Variants in ABTB3 observed in about 807,000 individuals in gnomAD.
ABTB3 encodes ankyrin repeat- and BTB/POZ domain-containing protein 3.
the ABTB3 span, among the ~76,000 whole-genome samples, chr12:107,383,052 G>A: frequency 0.54 from 81,418 of 151,840 alleles, 22,256 homozygotes; most frequent in East Asian, 0.69. Flanking sequence ...GCCCTTCATT[G>A]CTTCTAGTTC....
At chr12:107,494,014 A>G in the ABTB3 span, among the ~76,000 whole-genome samples, 1 of 152,202 alleles carries the variant, frequency 6.6e-6, no homozygotes, top group Admixed American at 6.5e-5. Flanking sequence ...AGTGCTTGGA[A>G]GCTAATGCAG....
the ABTB3 span, among the ~76,000 whole-genome samples, chr12:107,602,191 A>G: frequency 6.6e-6 from 1 of 151,776 alleles, no homozygotes; most frequent in African/African-American, 2.4e-5. Flanking sequence ...TCTAGCACTG[A>G]CTCCCTCCCC....
chr12:107,409,634 T>C, the ABTB3 span, among the ~76,000 whole-genome samples: 1 of 152,160 alleles, frequency 6.6e-6, no homozygotes, highest in East Asian at 1.9e-4. Context: ...TTCTCACTTA[T>C]AAGTGGGAGC....
chr12:107,507,256 G>A, the ABTB3 span, among the ~76,000 whole-genome samples: 2 of 152,126 alleles, frequency 1.3e-5, no homozygotes, highest in East Asian at 3.9e-4. Flanking sequence ...CAGAGATAAG[G>A]AAGAAACAAG....
the ABTB3 span, among the ~76,000 whole-genome samples, chr12:107,636,095 G>A: frequency 9.3e-4 from 142 of 152,256 alleles, no homozygotes; most frequent in African/African-American, 3.4e-3. Context: ...GTACATTATG[G>A]CTGCAATATC....
At chr12:107,527,230 C>T in the ABTB3 span, among the ~76,000 whole-genome samples, 1 of 150,940 alleles carries the variant, frequency 6.6e-6, no homozygotes, top group Non-Finnish European at 1.5e-5. Context: ...GTCTCCCCCA[C>T]CAAGACTGTA....
the ABTB3 span, among the ~76,000 whole-genome samples, chr12:107,632,450 G>A: frequency 6.6e-6 from 1 of 152,146 alleles, no homozygotes. Flanking sequence ...GCAGATAACA[G>A]GTCTTATCTT....
chr12:107,590,059 A>G, the ABTB3 span, among the ~76,000 whole-genome samples: 5 of 152,062 alleles, frequency 3.3e-5, no homozygotes, highest in Non-Finnish European at 2.9e-5. Flanking sequence ...ACAGGTGCCC[A>G]CCACCATGCC....
At chr12:107,554,164 C>A in the ABTB3 span, among the ~76,000 whole-genome samples, 2 of 152,174 alleles carry the variant, frequency 1.3e-5, no homozygotes, top group Non-Finnish European at 2.9e-5. Flanking sequence ...GGTTATGTCT[C>A]ACCTGCAGAT....
the ABTB3 span, among the ~76,000 whole-genome samples, chr12:107,582,837 C>A: frequency 1.3e-5 from 2 of 152,228 alleles, no homozygotes; most frequent in South Asian, 4.1e-4. Context: ...ACCACTCCTG[C>A]TCATTGCCCC....
At chr12:107,459,766 G>A in the ABTB3 span, among the ~76,000 whole-genome samples, 1 of 152,260 alleles carries the variant, frequency 6.6e-6, no homozygotes, top group Admixed American at 6.5e-5. Context: ...GCCAGGGCTT[G>A]CCTGGTGGCA....
chr12:107,520,323 C>T, the ABTB3 span: 2 of 972,912 alleles, frequency 2.1e-6, no homozygotes, highest in Non-Finnish European at 2.4e-6. Context: ...AGCTGGGCAT[C>T]CATTTCTAAA....
At chr12:107,351,604 G>T in the ABTB3 span, among the ~76,000 whole-genome samples, 1 of 152,162 alleles carries the variant, frequency 6.6e-6, no homozygotes, top group African/African-American at 2.4e-5. Context: ...TGTTATCTTG[G>T]GAGTGGGTTC....
chr12:107,556,096 T>TA, the ABTB3 span, among the ~76,000 whole-genome samples: 1 of 105,306 alleles, frequency 9.5e-6, no homozygotes, highest in African/African-American at 3.2e-5. Flanking sequence ...TCAGCATCAA[T>TA]TTTTTTTTTT....
the ABTB3 span, among the ~76,000 whole-genome samples, chr12:107,517,345 A>G: frequency 3.2e-4 from 49 of 152,318 alleles, no homozygotes; most frequent in African/African-American, 1.1e-3. Flanking sequence ...TGACTTGGCA[A>G]TGCGGGCTCT....
chr12:107,360,394 A>T, the ABTB3 span, among the ~76,000 whole-genome samples: 1 of 152,150 alleles, frequency 6.6e-6, no homozygotes, highest in Non-Finnish European at 1.5e-5. Context: ...GTGGGGTAAG[A>T]TGTAAGATGT....
At chr12:107,362,990 C>T in the ABTB3 span, among the ~76,000 whole-genome samples, 3 of 152,072 alleles carry the variant, frequency 2.0e-5, no homozygotes, top group East Asian at 3.9e-4. Flanking sequence ...ATTTGAATCC[C>T]GGCAGCCTGA....
the ABTB3 span, among the ~76,000 whole-genome samples, chr12:107,322,388 G>T: frequency 6.6e-6 from 1 of 152,136 alleles, no homozygotes; most frequent in East Asian, 1.9e-4. Context: ...TAAAATGGCA[G>T]GTTGAATATG....
the ABTB3 span, among the ~76,000 whole-genome samples, chr12:107,512,336 A>G: frequency 1.3e-5 from 2 of 152,258 alleles, no homozygotes; most frequent in African/African-American, 4.8e-5. Flanking sequence ...CATGGGCTGC[A>G]AATTTGGCTG....
Sources: gnomAD v4.1 joint callset for allele counts (sites outside exome capture counted in the v4.1 genomes callset) on GRCh38, gnomAD v4.1.1 for gene constraint, MANE v1.5 for transcripts, NCBI Gene and HGNC (gene_info 2026-07-23, HGNC 2026-07-21) for gene names.